SMIM35: variants seen among roughly 807,000 people sequenced by gnomAD.
SMIM35 encodes TMPRSS4 antisense RNA 1 (non-protein coding).
At chr11:118,077,167 C>A in intron 1 of SMIM35, 1 of 1,086,310 alleles carries the variant, frequency 9.2e-7, no homozygotes, top group South Asian at 1.6e-5. Flanking sequence ...GCACTCGGGC[C>A]TCCTCCAGCC....
rs940126979 is a variant in SMIM35 at position 118,003,908 on chromosome 11, G to C, written c.*2502C>G. ...AGGCAGAGAAACAGGGTAGGAGGCT[G>C]TCTTAGGCTGGGCTACTATAACAAA... is the stretch of plus-strand genomic sequence containing the variant. On this transcript the variant is annotated 3_prime_UTR_variant, in exon 5 of 5. Transcript: ENST00000689828. 3.3e-5 allele frequency: 5 copies of C among 152,286 alleles called. No individual in the cohort carries two copies. The highest frequency in any genetic ancestry group is 2.9e-5 in the Non-Finnish European group (2 of 68,080). The allele number at this position is 152,286 out of a possible 1,614,324, so 9.4% of individuals were successfully genotyped here.
chr11:118,020,545 T>C (rs1048032842), intron 1 of SMIM35, among the ~76,000 whole-genome samples: 2 of 152,216 alleles, frequency 1.3e-5, no homozygotes, highest in African/African-American at 4.8e-5. Context: ...TTTTGGGTCA[T>C]CTTTTATAGA....
At chr11:118,019,622 A>T (rs1334361912) in intron 1 of SMIM35, among the ~76,000 whole-genome samples, 10 of 152,016 alleles carry the variant, frequency 6.6e-5, no homozygotes, top group Non-Finnish European at 1.5e-4. Flanking sequence ...TTTTAATCAA[A>T]TTTATCTATT....
chr11:118,046,108 T>C (rs1409519249), intron 1 of SMIM35, among the ~76,000 whole-genome samples: 1 of 152,210 alleles, frequency 6.6e-6, no homozygotes, highest in Non-Finnish European at 1.5e-5. Context: ...TTGGCAGCTC[T>C]TCAATAATTT....
At chr11:118,067,860 CATATATATATATATATATATATATAT>C (rs57497227) in intron 1 of SMIM35, among the ~76,000 whole-genome samples, 2,101 of 80,984 alleles carry the variant, frequency 0.026, 137 homozygotes, top group African/African-American at 0.1. Flanking sequence ...CAACAACAAA[CATATATATATATATATATATATATAT>C]ATATATATAT....
At chr11:118,013,310 G>A (rs551315166) in intron 4 of SMIM35, among the ~76,000 whole-genome samples, 14 of 152,314 alleles carry the variant, frequency 9.2e-5, no homozygotes, top group African/African-American at 3.4e-4. Flanking sequence ...GGGCTTAAAG[G>A]CAGGCAAGGG....
At chr11:118,085,158 G>C (rs1945445811) in intron 1 of SMIM35, among the ~76,000 whole-genome samples, 1 of 151,918 alleles carries the variant, frequency 6.6e-6, no homozygotes, top group African/African-American at 2.4e-5. Context: ...AAGGAAACTG[G>C]GTCCAGGAGC....
At chr11:118,068,847 G>A (rs1159648143) in intron 1 of SMIM35, among the ~76,000 whole-genome samples, 1 of 152,146 alleles carries the variant, frequency 6.6e-6, no homozygotes, top group African/African-American at 2.4e-5. Flanking sequence ...CAGGAGCCGT[G>A]GTCTCTCCCC....
chr11:118,051,113 G>C (rs904286843), intron 1 of SMIM35, among the ~76,000 whole-genome samples: 21 of 152,234 alleles, frequency 1.4e-4, no homozygotes, highest in African/African-American at 4.8e-4. Context: ...GAAAGGACCA[G>C]TGGATATCGG....
chr11:118,006,351 T>G lies in SMIM35; in HGVS notation c.*59A>C, dbSNP rs1002174222. Reference sequence around the variant, plus strand: ...GTTCTCTCCACATGAAACTGTCATGTCAGTTCTGGGCCTCAGTCTTCTCAT... The same window carrying G: ...GTTCTCTCCACATGAAACTGTCATGGCAGTTCTGGGCCTCAGTCTTCTCAT... On this transcript the variant is annotated 3_prime_UTR_variant, in exon 5 of 5. Transcript: ENST00000689828. 2 of 152,226 alleles carry G rather than the reference T, an allele frequency of 1.3e-5. No individual in the cohort carries two copies. The highest frequency in any genetic ancestry group is 4.8e-5 in the African/African-American group (2 of 41,438). 9.4% of individuals were successfully genotyped at this position (152,226 alleles called of 1,614,324 possible).
At chr11:118,029,695 T>C (rs972605808) in intron 1 of SMIM35, 1 of 457,288 alleles carries the variant, frequency 2.2e-6, no homozygotes, top group African/African-American at 2.0e-5. Flanking sequence ...TCCAAATTCA[T>C]GGAACCAGTC....
At chr11:118,073,804 C>A (rs947891) in intron 1 of SMIM35, among the ~76,000 whole-genome samples, 1 of 152,150 alleles carries the variant, frequency 6.6e-6, no homozygotes, top group South Asian at 2.1e-4. Flanking sequence ...TCAGCAGCGC[C>A]GCCATGATGG....
intron 1 of SMIM35, among the ~76,000 whole-genome samples, chr11:118,057,673 C>A (rs1164191577): frequency 1.3e-5 from 2 of 152,166 alleles, no homozygotes; most frequent in African/African-American, 4.8e-5. Flanking sequence ...ATTATATTTG[C>A]AAGTGAGTGG....
intron 1 of SMIM35, among the ~76,000 whole-genome samples, chr11:118,038,271 A>G (rs1250846914): frequency 1.7e-4 from 26 of 152,178 alleles, no homozygotes; most frequent in Admixed American, 1.7e-3. Flanking sequence ...ATAAACTATA[A>G]GACACATTTT....
chr11:118,059,814 A>T (rs1288116783), intron 1 of SMIM35, among the ~76,000 whole-genome samples: 2 of 152,194 alleles, frequency 1.3e-5, no homozygotes, highest in African/African-American at 4.8e-5. Context: ...TATCTGAGAC[A>T]CAGGGTGAGG....
At chr11:118,049,863 G>A (rs1264182845) in intron 1 of SMIM35, among the ~76,000 whole-genome samples, 3 of 152,138 alleles carry the variant, frequency 2.0e-5, no homozygotes, top group African/African-American at 4.8e-5. Context: ...CAATGTGTCC[G>A]CCGTGCAAAC....
At chr11:118,064,512 G>A (rs900772759) in intron 1 of SMIM35, among the ~76,000 whole-genome samples, 1 of 152,164 alleles carries the variant, frequency 6.6e-6, no homozygotes, top group African/African-American at 2.4e-5. Context: ...TCAAATTCCT[G>A]GGCTCAGGAT....
intron 1 of SMIM35, among the ~76,000 whole-genome samples, chr11:118,020,787 C>T (rs1308024554): frequency 6.6e-6 from 1 of 152,112 alleles, no homozygotes; most frequent in Non-Finnish European, 1.5e-5. Context: ...TGCTTTCTTA[C>T]TTTCTGTTCT....
At chr11:118,033,314 A>G (rs1786177) in intron 1 of SMIM35, among the ~76,000 whole-genome samples, 122,907 of 152,138 alleles carry the variant, frequency 0.81, 50,061 homozygotes, top group East Asian at 0.93. Context: ...CTACGTTTCG[A>G]TGACTTTTTT....
Sources: allele counts gnomAD v4.1 joint callset (sites outside exome capture counted in the v4.1 genomes callset), GRCh38; gene constraint gnomAD v4.1.1; transcripts MANE v1.5; gene names NCBI Gene and HGNC (gene_info 2026-07-23, HGNC 2026-07-21).